SH3RF3: variants seen among roughly 807,000 people sequenced by gnomAD.
SH3RF3 encodes SH3 domain containing ring finger 3.
SH3RF3 carries 29 observed loss-of-function variants against 66.3 expected under a neutral mutation model. The observed-to-expected ratio is 0.44, with a 90% CI of 0.33 to 0.60. The LOEUF is 0.60. Ranked by LOEUF, SH3RF3 falls within the 20% of genes least tolerant of loss-of-function variation. The pLI, the probability that SH3RF3 is intolerant of heterozygous loss-of-function variation, is 0.04. For missense variants in SH3RF3, 1,194 were observed against 1,190.9 expected, an observed-to-expected ratio of 1.00 and a Z score of -0.04; for synonymous variants, 583 against 532.0, an observed-to-expected ratio of 1.10 and a Z score of -1.32.
rs781681128 is a variant in SH3RF3 at position 109,347,741 on chromosome 2, A to G, written c.641A>G (p.Lys214Arg). The G allele has an allele frequency of 1.2e-6, 2 of 1,613,850 alleles. No individual in the cohort carries two copies. Among genetic ancestry groups the G allele is most frequent in the African/African-American group, 1.3e-5 (1 of 74,924 alleles). ...GAGGGGAAGGAACCTGGTGACCTCA[A>G]GTTCAACAAGGGGGACATCATCGTC... ...SYEGKEPGDL[K>R]FNKGDIIVLR... The change falls in exon 2 of 10, where the codon AAG (lysine) becomes AGG (arginine). Residue 214 changes from lysine (K) to arginine (R), a missense_variant. Physicochemically the swap from Lys to Arg is conservative, Grantham distance 26. Coordinates refer to ENST00000309415, the MANE Select transcript of SH3RF3 (RefSeq NM_001099289.3).
intron 1 of SH3RF3, among the ~76,000 whole-genome samples, chr2:109,256,734 A>G (rs972448806): frequency 3.9e-5 from 6 of 152,164 alleles, no homozygotes; most frequent in Non-Finnish European, 7.3e-5. Flanking sequence ...AATCAGGGAA[A>G]GGGAATACAT....
At chr2:109,153,178 C>T (rs539920696) in intron 1 of SH3RF3, among the ~76,000 whole-genome samples, 1 of 152,304 alleles carries the variant, frequency 6.6e-6, no homozygotes, top group East Asian at 1.9e-4. Flanking sequence ...TAAACTTATG[C>T]ACTGCAGCGT....
chr2:109,136,991 T>C (rs1676830379), intron 1 of SH3RF3, among the ~76,000 whole-genome samples: 1 of 152,216 alleles, frequency 6.6e-6, no homozygotes, highest in Admixed American at 6.5e-5. Flanking sequence ...CACAGATATT[T>C]AAGTACCTGC....
At chr2:109,167,238 A>G (rs989804223) in intron 1 of SH3RF3, among the ~76,000 whole-genome samples, 1 of 152,250 alleles carries the variant, frequency 6.6e-6, no homozygotes, top group Non-Finnish European at 1.5e-5. Flanking sequence ...TGGCATTTTT[A>G]GACCAAAATG....
At chr2:109,393,951 G>C (rs1030845941) in intron 3 of SH3RF3, among the ~76,000 whole-genome samples, 1 of 151,880 alleles carries the variant, frequency 6.6e-6, no homozygotes, top group Admixed American at 6.6e-5. Context: ...TGGCGCTGTC[G>C]TGGACCCAGC....
intron 1 of SH3RF3, among the ~76,000 whole-genome samples, chr2:109,253,597 ATTTAACAGTC>A (rs1412290343): frequency 6.6e-6 from 1 of 152,164 alleles, no homozygotes; most frequent in Non-Finnish European, 1.5e-5. Context: ...ATTCTGACTA[ATTTAACAGTC>A]TTTCGGTTTA....
At chr2:109,390,086 G>A (rs900021264) in intron 3 of SH3RF3, among the ~76,000 whole-genome samples, 8 of 152,130 alleles carry the variant, frequency 5.3e-5, no homozygotes, top group East Asian at 1.9e-4. Flanking sequence ...GGAGGGACTC[G>A]CCCAGGATTT....
intron 3 of SH3RF3, 104 bp from the exon 4 acceptor site, chr2:109,398,486 C>A: frequency 1.0e-6 from 1 of 1,004,800 alleles, no homozygotes; most frequent in Non-Finnish European, 1.4e-6. Flanking sequence ...GATTTGAATG[C>A]ATTGCCAGTT....
At chr2:109,288,687 G>A (rs191974131) in intron 1 of SH3RF3, among the ~76,000 whole-genome samples, 152 of 152,236 alleles carry the variant, frequency 1.0e-3, no homozygotes, top group African/African-American at 3.4e-3. Context: ...TCTCTTTGCC[G>A]GGAGCCTGGG....
chr2:109,229,623 T>C (rs966144531), intron 1 of SH3RF3, among the ~76,000 whole-genome samples: 5 of 152,076 alleles, frequency 3.3e-5, no homozygotes, highest in African/African-American at 1.2e-4. Flanking sequence ...TCTCTAGGAA[T>C]TGGCAGCCCC....
intron 4 of SH3RF3, 42 bp from the exon 5 acceptor site, chr2:109,419,497 G>A: frequency 5.2e-6 from 8 of 1,544,690 alleles, no homozygotes; most frequent in Non-Finnish European, 7.0e-6. Context: ...CTTGGATGGA[G>A]TCTCTGTCTC....
At chr2:109,185,787 T>C (rs146861868) in intron 1 of SH3RF3, among the ~76,000 whole-genome samples, 39 of 152,368 alleles carry the variant, frequency 2.6e-4, no homozygotes, top group Admixed American at 1.8e-3. Flanking sequence ...CTTGGCACAC[T>C]AATACTTCAG....
chr2:109,207,963 C>A (rs538876545), intron 1 of SH3RF3, among the ~76,000 whole-genome samples: 73 of 152,334 alleles, frequency 4.8e-4, no homozygotes, highest in Admixed American at 2.1e-3. Flanking sequence ...TACTCTTACA[C>A]AGTTGAGCAT....
intron 8 of SH3RF3, among the ~76,000 whole-genome samples, chr2:109,481,526 C>G (rs1298490192): frequency 6.6e-6 from 1 of 152,038 alleles, no homozygotes; most frequent in Non-Finnish European, 1.5e-5. Flanking sequence ...CGGGAAGTTT[C>G]CAGAAGGCTG....
chr2:109,203,399 C>T (rs1055311657), intron 1 of SH3RF3, among the ~76,000 whole-genome samples: 6 of 152,178 alleles, frequency 3.9e-5, no homozygotes, highest in Admixed American at 1.3e-4. Flanking sequence ...GGTGTTTCCG[C>T]GTCCCTACGA....
intron 1 of SH3RF3, among the ~76,000 whole-genome samples, chr2:109,164,981 T>C (rs1213756684): frequency 2.0e-5 from 3 of 152,234 alleles, no homozygotes; most frequent in African/African-American, 7.2e-5. Flanking sequence ...TTAAAGCCTC[T>C]TCTTAGTCAT....
chr2:109,389,489 G>T (rs1382206279), intron 3 of SH3RF3, among the ~76,000 whole-genome samples: 1 of 152,150 alleles, frequency 6.6e-6, no homozygotes, highest in Non-Finnish European at 1.5e-5. Context: ...CCACATGGAC[G>T]CATGCCAATA....
At chr2:109,458,429 G>A (rs1678117973) in intron 8 of SH3RF3, among the ~76,000 whole-genome samples, 1 of 152,018 alleles carries the variant, frequency 6.6e-6, no homozygotes, top group Non-Finnish European at 1.5e-5. Flanking sequence ...TCACTTTAAG[G>A]TCACCTTACA....
At chr2:109,394,912 A>T (rs1233298743) in intron 3 of SH3RF3, among the ~76,000 whole-genome samples, 2 of 152,232 alleles carry the variant, frequency 1.3e-5, no homozygotes, top group East Asian at 3.9e-4. Context: ...TAATGGGTGC[A>T]CGGGAGCCGC....
Sources: gnomAD v4.1 joint callset for allele counts (sites outside exome capture counted in the v4.1 genomes callset) on GRCh38, gnomAD v4.1.1 for gene constraint, MANE v1.5 for transcripts, NCBI Gene and HGNC (gene_info 2026-07-23, HGNC 2026-07-21) for gene names.